The following PHF21B variants were observed in gnomAD, a reference collection of about 807,000 sequenced individuals.
PHF21B encodes the protein PHD finger protein 21B, also known as PHD finger protein 4.
In PHF21B, 22 loss-of-function variants were observed where a neutral mutation model predicts 62.2. The observed-to-expected ratio is 0.35, with a 90% confidence interval of 0.25 to 0.51. The LOEUF (loss-of-function observed/expected upper bound fraction) is 0.51, where lower values mean the gene tolerates loss of function less well. PHF21B is among the 20% of genes least tolerant of loss of function. The probability of loss-of-function intolerance (pLI) is 0.97; values close to 1 mark genes in which losing one functional copy is unlikely to be tolerated. For missense variants in PHF21B, 701 were observed against 707.9 expected, an observed-to-expected ratio of 0.99 and a Z score of 0.11; for synonymous variants, 341 against 314.7, an observed-to-expected ratio of 1.08 and a Z score of -0.88.
chr22:44,923,075 G>A (rs2071565852), intron 2 of PHF21B, among the ~76,000 whole-genome samples: 1 of 152,088 alleles, frequency 6.6e-6, no homozygotes, highest in Non-Finnish European at 1.5e-5. Flanking sequence ...AACATTATCT[G>A]ACTCCAAGAC....
In PHF21B at chr22:44,883,104, G is replaced by C; in HGVS notation, c.1578C>G (p.His526Gln). The C allele has an allele frequency of 6.2e-7, 1 of 1,611,580 alleles. No homozygotes were observed. The change falls in exon 13 of 13, where the codon CAC (histidine) becomes CAG (glutamine). Residue 526 changes from histidine to glutamine, a missense_variant. His to Gln is a conservative substitution (Grantham distance 24). Transcript: ENST00000313237. ...SVAATHPTVQ[H>Q]PQGHN ...CTCGGGGTCAGTTGTGGCCCTGGGG[G>C]TGCTGGACGGTGGGGTGTGTGGCTG... is the stretch of plus-strand genomic sequence containing the variant.
At chr22:44,922,941 GCTTT>G (rs1362874685) in intron 2 of PHF21B, among the ~76,000 whole-genome samples, 2 of 152,022 alleles carry the variant, frequency 1.3e-5, no homozygotes, top group African/African-American at 4.8e-5. Context: ...ATCTCAGTCA[GCTTT>G]TTTTTAAAAA....
At chr22:44,980,337 C>T (rs1003046091) in intron 2 of PHF21B, among the ~76,000 whole-genome samples, 1 of 152,176 alleles carries the variant, frequency 6.6e-6, no homozygotes, top group Non-Finnish European at 1.5e-5. Context: ...GCAGTCACTG[C>T]TCACCCACGC....
chr22:44,997,058 C>G (rs754438731), intron 2 of PHF21B, among the ~76,000 whole-genome samples: 3 of 152,220 alleles, frequency 2.0e-5, no homozygotes, highest in African/African-American at 7.2e-5. Flanking sequence ...CTGAGCACCA[C>G]AAGGCCTATT....
chr22:44,969,853 A>G (rs929279806), intron 2 of PHF21B, among the ~76,000 whole-genome samples: 1 of 152,176 alleles, frequency 6.6e-6, no homozygotes, highest in Non-Finnish European at 1.5e-5. Context: ...AGATGAGGAA[A>G]TGGAGGAACA....
At chr22:44,892,057 G>A (rs896432781) in intron 7 of PHF21B, among the ~76,000 whole-genome samples, 5 of 152,288 alleles carry the variant, frequency 3.3e-5, no homozygotes, top group Non-Finnish European at 4.4e-5. Flanking sequence ...TGCTTATGCC[G>A]TCTCTGGCCC....
intron 7 of PHF21B, 96 bp from the exon 8 acceptor site, chr22:44,891,456 T>C: frequency 6.9e-7 from 1 of 1,453,118 alleles, no homozygotes; most frequent in Non-Finnish European, 9.5e-7. Context: ...TGGGACAGGG[T>C]TCCCACCCAG....
At chr22:45,003,453 C>T (rs752964496) in intron 2 of PHF21B, 7 of 152,232 alleles carry the variant, frequency 4.6e-5, no homozygotes, top group African/African-American at 1.7e-4. Context: ...ACAAGCAAGG[C>T]TAAGAACGCC....
intron 2 of PHF21B, among the ~76,000 whole-genome samples, chr22:44,941,715 G>A (rs1212215047): frequency 6.6e-6 from 1 of 152,162 alleles, no homozygotes; most frequent in Non-Finnish European, 1.5e-5. Context: ...ACTAGATGCT[G>A]GGCAGGGGGA....
At chr22:44,985,751 T>C (rs1485215157) in intron 2 of PHF21B, among the ~76,000 whole-genome samples, 3 of 152,094 alleles carry the variant, frequency 2.0e-5, no homozygotes, top group Non-Finnish European at 4.4e-5. Context: ...TAGGAGGTGG[T>C]CAGTAAATGA....
intron 7 of PHF21B, among the ~76,000 whole-genome samples, chr22:44,892,565 TG>T (rs1397956209): frequency 1.3e-5 from 2 of 152,242 alleles, no homozygotes; most frequent in African/African-American, 4.8e-5. Context: ...CTCACAGAGC[TG>T]GCATCTGCAA....
chr22:44,969,738 G>T (rs148386843), intron 2 of PHF21B, among the ~76,000 whole-genome samples: 213 of 152,288 alleles, frequency 1.4e-3, no homozygotes, highest in African/African-American at 4.8e-3. Context: ...AAGCCTGGGG[G>T]CCCAGCTGGC....
chr22:44,892,642 C>T (rs1272853511), intron 7 of PHF21B, among the ~76,000 whole-genome samples: 2 of 152,192 alleles, frequency 1.3e-5, no homozygotes, highest in African/African-American at 2.4e-5. Context: ...CTCTGGACTT[C>T]GGAGCTCTAA....
chr22:44,931,496 T>A (rs2071740641), intron 2 of PHF21B, among the ~76,000 whole-genome samples: 1 of 152,198 alleles, frequency 6.6e-6, no homozygotes, highest in Admixed American at 6.5e-5. Context: ...GGCTACCGTA[T>A]GCTGACATTT....
intron 9 of PHF21B, among the ~76,000 whole-genome samples, chr22:44,889,121 G>A (rs1349953460): frequency 6.6e-6 from 1 of 152,242 alleles, no homozygotes; most frequent in East Asian, 1.9e-4. Context: ...TTAGAGGCTT[G>A]ACAGTTACAA....
chr22:44,980,128 G>A (rs1013075059), intron 2 of PHF21B, among the ~76,000 whole-genome samples: 8 of 147,028 alleles, frequency 5.4e-5, no homozygotes, highest in Non-Finnish European at 9.0e-5. Flanking sequence ...CAAAGCCTAC[G>A]AGGCCACTGC....
At chr22:44,996,058 T>C (rs1191351834) in intron 2 of PHF21B, among the ~76,000 whole-genome samples, 2 of 152,152 alleles carry the variant, frequency 1.3e-5, no homozygotes, top group Non-Finnish European at 2.9e-5. Context: ...ACACTTCATT[T>C]CTGGCTTCTC....
intron 5 of PHF21B, among the ~76,000 whole-genome samples, chr22:44,897,956 ACAC>A (rs1014737552): frequency 6.6e-6 from 1 of 152,046 alleles, no homozygotes; most frequent in Non-Finnish European, 1.5e-5. Context: ...CTACAGGTGC[ACAC>A]CACCACACCC....
chr22:44,941,183 C>CA (rs1382637060), intron 2 of PHF21B, among the ~76,000 whole-genome samples: 3 of 152,178 alleles, frequency 2.0e-5, no homozygotes, highest in African/African-American at 7.2e-5. Flanking sequence ...CAAGACCACC[C>CA]AGCTACCAGT....
Sources: gnomAD v4.1 joint callset for allele counts (sites outside exome capture counted in the v4.1 genomes callset) on GRCh38, gnomAD v4.1.1 for gene constraint, MANE v1.5 for transcripts, NCBI Gene and HGNC (gene_info 2026-07-23, HGNC 2026-07-21) for gene names.